Variants in VPS53 observed in about 807,000 individuals in gnomAD.
VPS53 encodes the protein vacuolar protein sorting-associated protein 53 homolog.
Under a neutral mutation model 107.0 loss-of-function variants are expected in VPS53, and 70 were observed. That is an observed-to-expected ratio of 0.65 (90% CI 0.54 to 0.80). The LOEUF is 0.80. VPS53 is among the 30% of genes least tolerant of loss of function. The pLI is 0.00. For synonymous variants in VPS53, 409 were observed against 393.3 expected, an observed-to-expected ratio of 1.04 and a Z score of -0.47; for missense variants, 917 against 1,049.4, an observed-to-expected ratio of 0.87 and a Z score of 1.74.
At chr17:692,469 T>C (rs1972810169) in intron 4 of VPS53, among the ~76,000 whole-genome samples, 1 of 152,100 alleles carries the variant, frequency 6.6e-6, no homozygotes, top group African/African-American at 2.4e-5. Context: ...ACATAGAAGG[T>C]GGTCAAAAAA....
In VPS53 at chr17:677,394, C is replaced by A. The variant is rs557522373; in HGVS notation, c.286-15499G>T. On this transcript the variant is annotated intron_variant, in intron 4 of 21. Transcript: ENST00000437048. ...TCCACTTATATTAATATAAAGTTCC[C>A]AGAATAGGCAAATTCATAGAGACAG... Among the ~76,000 whole-genome samples the A allele has an allele frequency of 1.3e-4, 20 of 152,198 alleles. No individual in the cohort carries two copies. The South Asian group carries it at 4.2e-3, about 32-fold the overall frequency.
At chr17:693,488 A>G (rs1184211628) in intron 4 of VPS53, among the ~76,000 whole-genome samples, 1 of 152,184 alleles carries the variant, frequency 6.6e-6, no homozygotes, top group Admixed American at 6.5e-5. Flanking sequence ...TTGGGAGCCC[A>G]AGGCAGGAGG....
At chr17:604,723 C>T (rs922791237) in intron 11 of VPS53, among the ~76,000 whole-genome samples, 2 of 152,210 alleles carry the variant, frequency 1.3e-5, no homozygotes, top group Admixed American at 6.5e-5. Flanking sequence ...GAATTACAGG[C>T]GTGAGCCACC....
At chr17:646,557 C>T (rs1180924417) in intron 7 of VPS53, among the ~76,000 whole-genome samples, 8 of 26,532 alleles carry the variant, frequency 3.0e-4, no homozygotes, top group Non-Finnish European at 2.9e-4. Context: ...TCCGTGACCG[C>T]ATGGCCACTG....
intron 2 of VPS53, among the ~76,000 whole-genome samples, chr17:702,818 C>T (rs1973256917): frequency 6.6e-6 from 1 of 152,190 alleles, no homozygotes; most frequent in African/African-American, 2.4e-5. Context: ...ATCTCCTAGG[C>T]AACAATTGCA....
chr17:580,059 T>A (rs1228198366), intron 13 of VPS53, among the ~76,000 whole-genome samples: 3 of 121,804 alleles, frequency 2.5e-5, no homozygotes, highest in African/African-American at 6.4e-5. Flanking sequence ...CCAGAAAACC[T>A]CCCTCAGGAC....
chr17:614,734 C>T (rs1203012102), intron 11 of VPS53, among the ~76,000 whole-genome samples: 1 of 152,226 alleles, frequency 6.6e-6, no homozygotes, highest in East Asian at 1.9e-4. Flanking sequence ...AGTCGTGAGC[C>T]TTTTGCAAAC....
chr17:644,116 C>T (rs893269474), intron 7 of VPS53, among the ~76,000 whole-genome samples: 1 of 152,126 alleles, frequency 6.6e-6, no homozygotes, highest in African/African-American at 2.4e-5. Flanking sequence ...ATGCTTAGGC[C>T]AGGAGGATTT....
rs201431069 is a variant in VPS53 at position 714,623 on chromosome 17, C to G, written c.87G>C (p.Gln29His). The change falls in exon 1 of 22, where the codon CAG (glutamine) becomes CAC (histidine). Residue 29 changes from glutamine (Q) to histidine (H), a missense_variant and splice_region_variant. Transcript: ENST00000437048. ...CCCTCCTGAGGGGCGGAACGCTTAC[C>G]TGCTCGATGGCCAGCTGCACCTCGG... Reference protein sequence around the residue: ...LTPEVQLAIEQVFPSQDPLDR... With the variant: ...LTPEVQLAIEHVFPSQDPLDR... 8.1e-6 allele frequency: 13 copies of G among 1,611,480 alleles called. 1 individual carries two copies. In the South Asian group the frequency reaches 1.3e-4, roughly 16 times the overall value.
chr17:509,697 C>G lies in VPS53; in HGVS notation c.*9431G>C. On this transcript the variant is annotated 3_prime_UTR_variant, in exon 22 of 22. Coordinates refer to ENST00000437048, the MANE Select transcript of VPS53 (RefSeq NM_001128159.3). ...ACTGGTCACGTATCGAATCCTGGCT[C>G]GCCCCTCACTGGTCACGTATTGAAT... 6.4e-6 allele frequency: 1 copy of G among 157,124 alleles called. No individual in the cohort carries two copies. 9.7% of individuals were successfully genotyped at this position (157,124 alleles called of 1,614,324 possible). A position where few individuals can be genotyped will look rare whatever the true frequency, so the allele number is the denominator to read the frequency against.
intron 4 of VPS53, among the ~76,000 whole-genome samples, chr17:662,890 G>GC (rs1214135850): frequency 4.8e-4 from 70 of 145,512 alleles, no homozygotes; most frequent in African/African-American, 1.7e-3. Context: ...AGGAAGGAAG[G>GC]AAGGCAGGCA....
intron 12 of VPS53, among the ~76,000 whole-genome samples, chr17:594,533 C>CTG (rs1597356396): frequency 6.7e-6 from 1 of 148,496 alleles, no homozygotes; most frequent in East Asian, 2.0e-4. Context: ...TCTAGTGTCC[C>CTG]CCCTGGAGGA....
At chr17:579,549 G>A (rs1241677892) in intron 13 of VPS53, among the ~76,000 whole-genome samples, 1 of 145,350 alleles carries the variant, frequency 6.9e-6, no homozygotes, top group Non-Finnish European at 1.5e-5. Flanking sequence ...CTTCCCTCAG[G>A]ACCTCAATGT....
At chr17:694,965 A>G (rs1291928170) in intron 4 of VPS53, among the ~76,000 whole-genome samples, 2 of 152,192 alleles carry the variant, frequency 1.3e-5, no homozygotes, top group East Asian at 1.9e-4. Context: ...TAGGCATCCC[A>G]AAGTGTTGAG....
chr17:607,878 G>A (rs925705924), intron 11 of VPS53, among the ~76,000 whole-genome samples: 4 of 151,968 alleles, frequency 2.6e-5, no homozygotes, highest in African/African-American at 9.7e-5. Context: ...TGTCAAGAAG[G>A]GAAAGTCTGG....
intron 12 of VPS53, among the ~76,000 whole-genome samples, chr17:594,647 T>C (rs1437108642): frequency 6.9e-6 from 1 of 144,120 alleles, no homozygotes; most frequent in African/African-American, 2.6e-5. Flanking sequence ...TCTGGATCAA[T>C]TTCCTGATTT....
rs1198278025 is a variant in VPS53, at chr17:662,846, G to A, written c.286-951C>T. ...GAGAAAGAGAAAGAAAGGAAGGAAG[G>A]AAGGAAGGAAGGAAGGAAGGAAGGA... On this transcript the variant is annotated intron_variant, in intron 4 of 21. Transcript: ENST00000437048. Among the ~76,000 whole-genome samples, 272 of 109,616 alleles carry A rather than the reference G, an allele frequency of 2.5e-3. 1 individual carries two copies. The highest frequency in any genetic ancestry group is 6.5e-3 in the South Asian group (19 of 2,944). 71.9% of individuals were successfully genotyped at this position (109,616 alleles called of 152,430 possible).
intron 13 of VPS53, among the ~76,000 whole-genome samples, chr17:577,944 T>G (rs1369067559): frequency 6.6e-6 from 1 of 151,822 alleles, no homozygotes. Flanking sequence ...CAGGACCTAA[T>G]GCGTTCCCAA....
intron 4 of VPS53, among the ~76,000 whole-genome samples, chr17:683,414 C>T (rs1180556884): frequency 1.3e-5 from 2 of 151,848 alleles, no homozygotes; most frequent in African/African-American, 2.4e-5. Flanking sequence ...GAGTCCTAAA[C>T]CAAGCAAAAA....
Sources: allele counts gnomAD v4.1 joint callset (sites outside exome capture counted in the v4.1 genomes callset), GRCh38; gene constraint gnomAD v4.1.1; transcripts MANE v1.5; gene names NCBI Gene and HGNC (gene_info 2026-07-23, HGNC 2026-07-21).